Variants in HDGFL3 observed in about 807,000 individuals in gnomAD.
The protein encoded by HDGFL3 is HDGF like 3.
In HDGFL3, 6 loss-of-function variants were observed where a neutral mutation model predicts 27.6. That is an observed-to-expected ratio of 0.22 (90% CI 0.12 to 0.43). HDGFL3 has a LOEUF of 0.43. Among genes scored for constraint, HDGFL3 ranks in the 20% least tolerant of loss-of-function variants. HDGFL3 has a pLI of 1.00. For missense variants in HDGFL3, 207 were observed against 250.1 expected, an observed-to-expected ratio of 0.83 and a Z score of 1.16; for synonymous variants, 88 against 88.9, an observed-to-expected ratio of 0.99 and a Z score of 0.05.
intron 1 of HDGFL3, among the ~76,000 whole-genome samples, chr15:83,187,961 G>A (rs1156540130): frequency 6.6e-6 from 1 of 151,664 alleles, no homozygotes. Context: ...CTATTTACAT[G>A]GGATAGACTT....
intron 1 of HDGFL3, among the ~76,000 whole-genome samples, chr15:83,169,881 T>C (rs1002258967): frequency 2.6e-5 from 4 of 152,164 alleles, no homozygotes; most frequent in African/African-American, 9.6e-5. Context: ...AGTTTCTGGA[T>C]ACAAAATCAA....
At chr15:83,144,578 G>T (rs138992554) in intron 5 of HDGFL3, 6,949 of 455,200 alleles carry the variant, frequency 0.015, 108 homozygotes, top group Middle Eastern at 0.043. Flanking sequence ...AGGCATCAGA[G>T]GAGGCCTCTG....
chr15:83,114,683 C>G (rs938915985), exon 4 of HDGFL3: 4 of 152,398 alleles, frequency 2.6e-5, no homozygotes, highest in Non-Finnish European at 5.9e-5. Context: ...CTCTCCATTT[C>G]TTTTTTCACA....
intron 1 of HDGFL3, chr15:83,179,675 A>C (rs543317022): frequency 1.3e-5 from 2 of 152,356 alleles, no homozygotes; most frequent in African/African-American, 4.8e-5. Context: ...ACCTAACTTG[A>C]AGCAGCACCT....
rs1325045779 is a variant in HDGFL3, at chr15:83,136,798, C to A, written c.*2472G>T. On this transcript the variant is annotated 3_prime_UTR_variant, in exon 6 of 6. Transcript: ENST00000299633. ...AGAATATGTACATTCTTGCTCTGCA[C>A]TGTATGTGTGAGCTATATGGTATTG... 3.9e-6 allele frequency: 3 copies of A among 775,558 alleles called. No individual in the cohort carries two copies. Among genetic ancestry groups the A allele is most frequent in the Non-Finnish European group, 4.0e-6 (2 of 498,262 alleles). The allele number at this position is 775,558 out of a possible 1,614,324, so 48.0% of individuals were successfully genotyped here.
chr15:83,175,737 G>A (rs2037301258), intron 1 of HDGFL3, among the ~76,000 whole-genome samples: 1 of 152,138 alleles, frequency 6.6e-6, no homozygotes, highest in Non-Finnish European at 1.5e-5. Flanking sequence ...GCGGGCACCT[G>A]TAGTCCCAGC....
chr15:83,121,453 T>C (rs2035236374), intron 3 of HDGFL3, among the ~76,000 whole-genome samples: 1 of 152,228 alleles, frequency 6.6e-6, no homozygotes, highest in African/African-American at 2.4e-5. Context: ...ATGGGGTACA[T>C]GTCACTTGTC....
At chr15:83,121,316 A>G (rs940962324) in intron 3 of HDGFL3, among the ~76,000 whole-genome samples, 1 of 149,748 alleles carries the variant, frequency 6.7e-6, no homozygotes. Context: ...TCCTGACCTC[A>G]AGTGATCTGC....
At position 83,207,244 on chromosome 15, in the gene HDGFL3, C is replaced by A. The variant is rs1326176526; in HGVS notation, c.84+87G>T. Reference sequence around the variant, plus strand: ...CCGGCCGCGAGCTGCGGGCTCGGGGCTGAGGCGATGGGGAAAGGGGGCGGG... The same window carrying A: ...CCGGCCGCGAGCTGCGGGCTCGGGGATGAGGCGATGGGGAAAGGGGGCGGG... On this transcript the variant is annotated intron_variant, in intron 1 of 5. Coordinates refer to ENST00000299633, the MANE Select transcript of HDGFL3 (RefSeq NM_016073.4). The surrounding 1 kb of genome is among the most constrained non-coding windows in gnomAD (Gnocchi z 4.8). 6.3e-6 allele frequency: 6 copies of A among 956,330 alleles called. No homozygotes were observed. In the South Asian group the frequency reaches 1.6e-4, roughly 25 times the overall value. 59.2% of individuals were successfully genotyped at this position (956,330 alleles called of 1,614,324 possible).
rs1226844496 is a variant in HDGFL3 at position 83,151,235 on chromosome 15, A to T, written c.586T>A (p.Leu196Met). The change falls in exon 5 of 6, where the codon TTG (leucine) becomes ATG (methionine). Residue 196 changes from leucine (L) to methionine (M), a missense_variant. Leu to Met is a conservative substitution (Grantham distance 15, BLOSUM62 2). Coordinates refer to ENST00000299633, the MANE Select transcript of HDGFL3 (RefSeq NM_016073.4). ...GNDTRNTTSD[L>M]QKTSEGT ...CTTACCCCTTCACTGGTTTTCTGCA[A>T]GTCTGAAGTTGTGTTTCTTGTGTCG... 6.2e-7 allele frequency: 1 copy of T among 1,612,772 alleles called. No individual in the cohort carries two copies.
intron 3 of HDGFL3, 79 bp downstream of exon 3, chr15:83,157,824 G>C (rs966642767): frequency 7.6e-7 from 1 of 1,307,522 alleles, no homozygotes; most frequent in African/African-American, 1.5e-5. Flanking sequence ...TTAGTAGAAA[G>C]GACATATAAG....
chr15:83,165,902 A>C lies in HDGFL3; in HGVS notation c.85-1827T>G, dbSNP rs893978358. On this transcript the variant is annotated intron_variant, in intron 1 of 5. Coordinates refer to ENST00000299633, the MANE Select transcript of HDGFL3 (RefSeq NM_016073.4). Reference sequence around the variant, plus strand: ...GAACTAGTCCAGGCAGACAAAAATAAAGGAAAAAGAATTATAAAAAATGAA... The same window carrying C: ...GAACTAGTCCAGGCAGACAAAAATACAGGAAAAAGAATTATAAAAAATGAA... Among the ~76,000 whole-genome samples the C allele has an allele frequency of 2.0e-5, 3 of 151,974 alleles. No individual in the cohort carries two copies. The East Asian group carries it at 5.8e-4, about 29-fold the overall frequency.
rs1463886728 is a variant in HDGFL3 at position 83,128,077 on chromosome 15, ACAAAT to A, written c.*11188_*11192del. On this transcript the variant is annotated 3_prime_UTR_variant, in exon 6 of 6. Transcript: ENST00000299633. ...ACATTTTTACAAGATAATTAGCAAA[ACAAAT>A]CAATCTTCTGAACAAGGAAGAAAAT... 1 of 152,276 alleles carries A rather than the reference ACAAAT, an allele frequency of 6.6e-6. No individual in the cohort carries two copies. Among genetic ancestry groups the A allele is most frequent in the Non-Finnish European group, 1.5e-5 (1 of 68,054 alleles). 9.4% of individuals were successfully genotyped at this position (152,276 alleles called of 1,614,324 possible). A position where few individuals can be genotyped will look rare whatever the true frequency, so the allele number is the denominator to read the frequency against.
intron 1 of HDGFL3, among the ~76,000 whole-genome samples, chr15:83,190,732 T>A (rs564703097): frequency 2.6e-5 from 4 of 152,304 alleles, no homozygotes; most frequent in Admixed American, 1.3e-4. Context: ...TTCAATTTCA[T>A]TATAGAGTTT....
At chr15:83,205,858 T>C (rs1409903719) in intron 1 of HDGFL3, among the ~76,000 whole-genome samples, 1 of 152,244 alleles carries the variant, frequency 6.6e-6, no homozygotes, top group Non-Finnish European at 1.5e-5. Flanking sequence ...AACCAGTTAT[T>C]CTACCTTAAA....
chr15:83,164,123 A>G, intron 1 of HDGFL3, 48 bp from the exon 2 acceptor site: 1 of 1,132,822 alleles, frequency 8.8e-7, no homozygotes, highest in South Asian at 1.4e-5. Context: ...TCATAAATAC[A>G]ATGTGAGCAT....
chr15:83,206,709 T>TC (rs1238053521), intron 1 of HDGFL3, among the ~76,000 whole-genome samples: 1 of 151,954 alleles, frequency 6.6e-6, no homozygotes, highest in Non-Finnish European at 1.5e-5. Flanking sequence ...CTATCAGAGG[T>TC]CGGTTTAAAA....
rs993154841 is a variant in HDGFL3, at chr15:83,138,643, T to G, written c.*627A>C. On this transcript the variant is annotated 3_prime_UTR_variant, in exon 6 of 6. Transcript: ENST00000299633. The stretch of plus-strand genomic sequence containing the variant: ...GAGTAACACAAAAAGACTCACTAAC[T>G]TCACATATAGAAACTTAGTTTGTGT... 6.6e-6 allele frequency: 1 copy of G among 152,590 alleles called. No individual in the cohort carries two copies. The highest frequency in any genetic ancestry group is 2.4e-5 in the African/African-American group (1 of 41,458). 9.5% of individuals were successfully genotyped at this position (152,590 alleles called of 1,614,324 possible). A position where few individuals can be genotyped will look rare whatever the true frequency, so the allele number is the denominator to read the frequency against.
intron 3 of HDGFL3, among the ~76,000 whole-genome samples, chr15:83,122,225 T>C (rs1042199444): frequency 6.6e-6 from 1 of 152,206 alleles, no homozygotes; most frequent in Non-Finnish European, 1.5e-5. Context: ...GGCAGTCAAG[T>C]TATCAGGGAT....
Sources: gnomAD v4.1 joint callset for allele counts (sites outside exome capture counted in the v4.1 genomes callset) on GRCh38, gnomAD v4.1.1 for gene constraint, Gnocchi (gnomAD v3.1) non-coding constraint, MANE v1.5 for transcripts, NCBI Gene and HGNC (gene_info 2026-07-23, HGNC 2026-07-21) for gene names.